The following WDFY3 variants were observed in gnomAD, a reference collection of about 807,000 sequenced individuals.
The protein encoded by WDFY3 is WD repeat and FYVE domain containing 3.
A neutral mutation model predicts 409.6 loss-of-function variants in WDFY3; 66 were observed. The ratio of observed to expected loss-of-function variants is 0.16; its 90% CI spans 0.13 to 0.20. The LOEUF (loss-of-function observed/expected upper bound fraction) is 0.20. WDFY3 is among the 10% of genes least tolerant of loss of function. The pLI is 1.00. For missense variants in WDFY3, 3,031 were observed against 4,298.1 expected, an observed-to-expected ratio of 0.71 and a Z score of 8.24; for synonymous variants, 1,521 against 1,537.1, an observed-to-expected ratio of 0.99 and a Z score of 0.25.
chr4:84,759,076 CTTGT>C (rs898205164), intron 32 of WDFY3, among the ~76,000 whole-genome samples: 1 of 152,130 alleles, frequency 6.6e-6, no homozygotes, highest in Admixed American at 6.6e-5. Flanking sequence ...TTCCCCATTG[CTTGT>C]TTTTCTCAGG....
At chr4:84,952,052 T>C (rs1227457507) in intron 1 of WDFY3, among the ~76,000 whole-genome samples, 1 of 152,178 alleles carries the variant, frequency 6.6e-6, no homozygotes, top group Non-Finnish European at 1.5e-5. Context: ...TGACAAGTAC[T>C]ATTACCTCAG....
At chr4:84,938,055 C>T (rs1771654607) in intron 1 of WDFY3, among the ~76,000 whole-genome samples, 1 of 152,126 alleles carries the variant, frequency 6.6e-6, no homozygotes, top group Non-Finnish European at 1.5e-5. Flanking sequence ...CTGCGATACT[C>T]TGACAGGTGT....
At chr4:84,885,028 T>G (rs1764011044) in intron 3 of WDFY3, among the ~76,000 whole-genome samples, 1 of 152,120 alleles carries the variant, frequency 6.6e-6, no homozygotes, top group Admixed American at 6.6e-5. Context: ...TGAGGTGAAG[T>G]CTCACTCTGT....
chr4:84,861,349 C>A (rs1329943127), intron 3 of WDFY3, among the ~76,000 whole-genome samples: 1 of 152,038 alleles, frequency 6.6e-6, no homozygotes, highest in African/African-American at 2.4e-5. Context: ...AACCCCAAAA[C>A]CTCACAAAAT....
chr4:84,721,604 C>A, intron 46 of WDFY3, 32 bp from the exon 47 acceptor site: 1 of 1,597,912 alleles, frequency 6.3e-7, no homozygotes, highest in Non-Finnish European at 8.5e-7. Context: ...GGCCATGTGG[C>A]ATTGTAAGGA....
At chr4:84,885,268 G>C (rs944239320) in intron 3 of WDFY3, among the ~76,000 whole-genome samples, 3 of 151,674 alleles carry the variant, frequency 2.0e-5, no homozygotes, top group African/African-American at 7.3e-5. Flanking sequence ...GCCTCCCTAA[G>C]TGCTGGGATT....
chr4:84,873,774 T>C (rs188628453), intron 3 of WDFY3, among the ~76,000 whole-genome samples: 2 of 146,200 alleles, frequency 1.4e-5, no homozygotes, highest in Non-Finnish European at 3.0e-5. Flanking sequence ...TTTTTTTGTG[T>C]TTTTTTTTTG....
intron 13 of WDFY3, among the ~76,000 whole-genome samples, chr4:84,811,178 T>A (rs1752433682): frequency 6.6e-6 from 1 of 152,104 alleles, no homozygotes. Flanking sequence ...TTTGTATTTT[T>A]AGTAGAGATG....
intron 27 of WDFY3, among the ~76,000 whole-genome samples, chr4:84,777,099 G>A (rs952540398): frequency 6.6e-6 from 1 of 152,044 alleles, no homozygotes; most frequent in Non-Finnish European, 1.5e-5. Flanking sequence ...TCAAGACTTG[G>A]TGACTAGGGG....
chr4:84,769,419 A>T (rs1034454433), intron 30 of WDFY3, among the ~76,000 whole-genome samples: 4 of 151,744 alleles, frequency 2.6e-5, no homozygotes, highest in Non-Finnish European at 5.9e-5. Flanking sequence ...TATTATTATT[A>T]TTATTATTTT....
At chr4:84,856,071 A>G (rs537026062) in intron 4 of WDFY3, among the ~76,000 whole-genome samples, 1 of 152,300 alleles carries the variant, frequency 6.6e-6, no homozygotes, top group South Asian at 2.1e-4. Context: ...TATCAACTGT[A>G]TTGGTATTAT....
intron 13 of WDFY3, among the ~76,000 whole-genome samples, chr4:84,815,169 G>A (rs993255316): frequency 6.6e-6 from 1 of 152,082 alleles, no homozygotes; most frequent in Non-Finnish European, 1.5e-5. Context: ...GGTCACAAGG[G>A]CCTTGGAAGC....
At position 84,730,334 on chromosome 4, in the gene WDFY3, C is replaced by A. The variant is rs538649027; in HGVS notation, c.7221+3048G>T. On this transcript the variant is annotated intron_variant, in intron 44 of 67. Coordinates refer to ENST00000295888, the MANE Select transcript of WDFY3 (RefSeq NM_014991.6). Reference sequence around the variant, plus strand: ...AAAAAAGTCTATAACTTAGGGAAGACAAGAGTGCTGGCAGTTCATTCACTC... The same window carrying A: ...AAAAAAGTCTATAACTTAGGGAAGAAAAGAGTGCTGGCAGTTCATTCACTC... Among the ~76,000 whole-genome samples the A allele has an allele frequency of 1.3e-4, 20 of 152,258 alleles. No homozygotes were observed. The South Asian group carries it at 4.1e-3, about 32-fold the overall frequency.
At chr4:84,868,155 G>T (rs1020657868) in intron 3 of WDFY3, among the ~76,000 whole-genome samples, 1 of 101,688 alleles carries the variant, frequency 9.8e-6, no homozygotes, top group Non-Finnish European at 1.7e-5. Flanking sequence ...CTGGGTGACA[G>T]AGCGAGACTC....
At chr4:84,775,339 CTT>C in intron 27 of WDFY3, among the ~76,000 whole-genome samples, 1 of 151,894 alleles carries the variant, frequency 6.6e-6, no homozygotes, top group Non-Finnish European at 1.5e-5. Context: ...AATTATCACA[CTT>C]TTACAAAGCT....
At chr4:84,679,544 C>T (rs184390774) in intron 64 of WDFY3, among the ~76,000 whole-genome samples, 56 of 152,246 alleles carry the variant, frequency 3.7e-4, no homozygotes, top group African/African-American at 1.3e-3. Flanking sequence ...TGCTGTGCTG[C>T]AGCTAGATGG....
intron 45 of WDFY3, 65 bp downstream of exon 45, chr4:84,726,796 A>AC: frequency 6.6e-7 from 1 of 1,505,242 alleles, no homozygotes; most frequent in Non-Finnish European, 9.0e-7. Context: ...CTTAAAAAAA[A>AC]AACCAGAAAA....
intron 30 of WDFY3, 37 bp from the exon 31 acceptor site, chr4:84,766,409 G>T: frequency 6.5e-7 from 1 of 1,539,278 alleles, no homozygotes; most frequent in Non-Finnish European, 8.7e-7. Context: ...CTCCCTAGTA[G>T]ATAAGCTAAA....
chr4:84,697,676 C>G (rs985514068), intron 56 of WDFY3, among the ~76,000 whole-genome samples: 3 of 152,110 alleles, frequency 2.0e-5, no homozygotes, highest in Non-Finnish European at 2.9e-5. Context: ...GTCACTTTAG[C>G]TTACAGAGTT....
Sources: allele counts gnomAD v4.1 joint callset (sites outside exome capture counted in the v4.1 genomes callset), GRCh38; gene constraint gnomAD v4.1.1; transcripts MANE v1.5; gene names NCBI Gene and HGNC (gene_info 2026-07-23, HGNC 2026-07-21).